The following TRPC7 variants were observed in gnomAD, a reference collection of about 807,000 sequenced individuals.
The protein encoded by TRPC7 is short transient receptor potential channel 7.
A neutral mutation model predicts 90.1 loss-of-function variants in TRPC7; 42 were observed. The ratio of observed to expected loss-of-function variants is 0.47; its 90% CI spans 0.36 to 0.60. The LOEUF (loss-of-function observed/expected upper bound fraction) is 0.60, where lower values mean the gene tolerates loss of function less well. Ranked by LOEUF, TRPC7 falls within the 20% of genes least tolerant of loss-of-function variation. The pLI is 0.00. For missense variants in TRPC7, 955 were observed against 1,112.3 expected (o/e 0.86, Z 2.01); for synonymous variants, 451 against 436.3 (o/e 1.03, Z -0.42).
At chr5:136,279,190 A>G (rs1484338168) in intron 3 of TRPC7, among the ~76,000 whole-genome samples, 1 of 152,154 alleles carries the variant, frequency 6.6e-6, no homozygotes, top group Admixed American at 6.5e-5. Flanking sequence ...CTCTCTTTAA[A>G]CAAACCTCCA....
intron 2 of TRPC7, among the ~76,000 whole-genome samples, chr5:136,329,627 T>C (rs1759440719): frequency 6.6e-6 from 1 of 152,156 alleles, no homozygotes. Flanking sequence ...CATGTACAAA[T>C]GTGTGGACTG....
chr5:136,322,053 T>C (rs1446892853), intron 2 of TRPC7, among the ~76,000 whole-genome samples: 1 of 152,066 alleles, frequency 6.6e-6, no homozygotes, highest in Non-Finnish European at 1.5e-5. Context: ...TTCACTCTGT[T>C]GTCCAGGCTA....
At position 136,226,214 on chromosome 5, in the gene TRPC7, G is replaced by C. The variant is rs1580837954; in HGVS notation, c.2082C>G (p.Leu694=). The C allele has an allele frequency of 3.9e-6, 6 of 1,551,944 alleles. No individual in the cohort carries two copies. The highest frequency in any genetic ancestry group is 4.4e-6 in the Non-Finnish European group (5 of 1,147,132). ...TTCCTTCATCAAAGTAAGACAGCCA[G>C]AGTTTTGCTCGGGCGAACTTCCATT... ...DVEWKFARAK[L]WLSYFDEGRT... is the part of the protein sequence containing the mutation. Residue 694 remains leucine, a synonymous_variant, in exon 9 of 12, where the codon CTC becomes CTG. Coordinates refer to ENST00000513104, the MANE Select transcript of TRPC7 (RefSeq NM_020389.3).
chr5:136,311,289 T>C (rs1758816833), intron 3 of TRPC7, among the ~76,000 whole-genome samples: 1 of 152,056 alleles, frequency 6.6e-6, no homozygotes, highest in Non-Finnish European at 1.5e-5. Context: ...AGCCCAGAGA[T>C]GAGGAAGCAA....
At chr5:136,315,819 G>A (rs1213662053) in intron 2 of TRPC7, 40 bp from the exon 3 acceptor site, 2 of 1,590,330 alleles carry the variant, frequency 1.3e-6, no homozygotes, top group Admixed American at 3.4e-5. Context: ...GTCACATGGA[G>A]GCCCGCAGAT....
At chr5:136,292,718 A>G (rs2149825631) in intron 3 of TRPC7, among the ~76,000 whole-genome samples, 1 of 152,324 alleles carries the variant, frequency 6.6e-6, no homozygotes, top group South Asian at 2.1e-4. Flanking sequence ...CAGAGGTACA[A>G]GGAGGAGCTG....
intron 3 of TRPC7, among the ~76,000 whole-genome samples, chr5:136,312,505 C>T (rs1336789182): frequency 6.6e-6 from 1 of 152,068 alleles, no homozygotes; most frequent in East Asian, 1.9e-4. Flanking sequence ...CAAAAAAAAA[C>T]CTCTGTGAAG....
chr5:136,305,762 T>TAGTATTCC (rs1758600806), intron 3 of TRPC7, among the ~76,000 whole-genome samples: 1 of 152,200 alleles, frequency 6.6e-6, no homozygotes, highest in Non-Finnish European at 1.5e-5. Context: ...TTCAGGCTCT[T>TAGTATTCC]AGTATTCCGT....
In TRPC7 at chr5:136,265,163, C is replaced by T. The variant is rs921732638; in HGVS notation, c.1345+1057G>A. Among the ~76,000 whole-genome samples, 4 of 152,032 alleles carry T rather than the reference C, an allele frequency of 2.6e-5. No individual in the cohort carries two copies. The South Asian group carries it at 6.2e-4, about 24-fold the overall frequency. On this transcript the variant is annotated intron_variant, in intron 5 of 11. Transcript: ENST00000513104. ...CTACTGTGATTTTGTTGATTTGACC[C>T]GAATACATTTTGACTCATTGTTTGT...
chr5:136,338,377 T>C (rs1580971963), intron 2 of TRPC7, among the ~76,000 whole-genome samples: 1 of 152,246 alleles, frequency 6.6e-6, no homozygotes, highest in African/African-American at 2.4e-5. Flanking sequence ...TCTTACAGCA[T>C]ACTGCCTCTA....
chr5:136,266,788 TTGAG>T (rs1282061639), intron 4 of TRPC7, among the ~76,000 whole-genome samples: 2 of 152,196 alleles, frequency 1.3e-5, no homozygotes, highest in Non-Finnish European at 2.9e-5. Context: ...AAAATGCACT[TTGAG>T]TGCTCGGTTT....
intron 2 of TRPC7, among the ~76,000 whole-genome samples, chr5:136,339,187 G>A (rs998782358): frequency 6.6e-5 from 10 of 152,198 alleles, no homozygotes; most frequent in Non-Finnish European, 1.5e-4. Flanking sequence ...CAGGCTGGCT[G>A]TTCTTGCTCA....
At chr5:136,228,743 A>G (rs1485392282) in intron 8 of TRPC7, among the ~76,000 whole-genome samples, 1 of 152,192 alleles carries the variant, frequency 6.6e-6, no homozygotes, top group Non-Finnish European at 1.5e-5. Context: ...GGGTTTACAA[A>G]TATTTGCATC....
intron 3 of TRPC7, 60 bp downstream of exon 3, chr5:136,315,537 G>T (rs921361741): frequency 6.4e-7 from 1 of 1,574,676 alleles, no homozygotes; most frequent in Non-Finnish European, 8.7e-7. Context: ...CAAAAAGCAA[G>T]GCCAGCAGCC....
intron 3 of TRPC7, among the ~76,000 whole-genome samples, chr5:136,310,752 C>T (rs765380755): frequency 7.9e-5 from 12 of 152,176 alleles, no homozygotes; most frequent in Non-Finnish European, 1.6e-4. Context: ...CCCCACCCCA[C>T]TGCAAAGGCT....
chr5:136,275,557 G>A (rs867905619), intron 3 of TRPC7, among the ~76,000 whole-genome samples: 114 of 152,124 alleles, frequency 7.5e-4, no homozygotes, highest in African/African-American at 2.5e-3. Context: ...GATCCTCCAC[G>A]GAGTAGCTTC....
chr5:136,258,478 CA>C (rs2149808917), intron 5 of TRPC7, among the ~76,000 whole-genome samples: 1 of 152,158 alleles, frequency 6.6e-6, no homozygotes, highest in South Asian at 2.1e-4. Flanking sequence ...CATGCGCCCC[CA>C]CCCTGCTCCC....
intron 2 of TRPC7, among the ~76,000 whole-genome samples, chr5:136,342,292 T>G (rs760175568): frequency 7.2e-5 from 11 of 152,218 alleles, no homozygotes; most frequent in Non-Finnish European, 1.2e-4. Context: ...AAGCCCATCC[T>G]GGAGAGCTGG....
At chr5:136,347,451 T>A (rs1324125601) in intron 2 of TRPC7, among the ~76,000 whole-genome samples, 1 of 152,178 alleles carries the variant, frequency 6.6e-6, no homozygotes, top group Admixed American at 6.5e-5. Context: ...TAGTTTAACA[T>A]AAATCAGATA....
Sources: allele counts gnomAD v4.1 joint callset (sites outside exome capture counted in the v4.1 genomes callset), GRCh38; gene constraint gnomAD v4.1.1; transcripts MANE v1.5; gene names NCBI Gene and HGNC (gene_info 2026-07-23, HGNC 2026-07-21).